ARID2: variants seen among roughly 807,000 people sequenced by gnomAD.
ARID2 encodes the protein AT-rich interactive domain-containing protein 2.
Under a neutral mutation model 184.6 loss-of-function variants are expected in ARID2, and 32 were observed. The observed-to-expected ratio is 0.17, with a 90% CI of 0.13 to 0.23. ARID2 has a LOEUF of 0.23. Among genes scored for constraint, ARID2 ranks in the 10% least tolerant of loss-of-function variants. The probability of loss-of-function intolerance (pLI) is 1.00; values close to 1 mark genes in which losing one functional copy is unlikely to be tolerated. For missense variants in ARID2, 1,696 were observed against 2,197.6 expected (o/e 0.77, Z 4.56); for synonymous variants, 836 against 772.6 (o/e 1.08, Z -1.36).
chr12:45,890,579 A>C (rs1944284523), intron 16 of ARID2, among the ~76,000 whole-genome samples: 1 of 152,244 alleles, frequency 6.6e-6, no homozygotes, highest in Non-Finnish European at 1.5e-5. Context: ...AAATTCTAAA[A>C]CAAAATGTAT....
At chr12:45,827,942 T>C (rs947813782) in intron 6 of ARID2, among the ~76,000 whole-genome samples, 1 of 152,128 alleles carries the variant, frequency 6.6e-6, no homozygotes, top group Admixed American at 6.5e-5. Context: ...TATTATTATA[T>C]GTATTAAAAC....
At chr12:45,796,085 C>G (rs1942387154) in intron 3 of ARID2, among the ~76,000 whole-genome samples, 1 of 152,072 alleles carries the variant, frequency 6.6e-6, no homozygotes, top group Non-Finnish European at 1.5e-5. Flanking sequence ...TTCTCTACCA[C>G]TTAAAAAATG....
intron 3 of ARID2, among the ~76,000 whole-genome samples, chr12:45,791,012 T>G (rs978361617): frequency 1.2e-4 from 19 of 152,222 alleles, no homozygotes; most frequent in African/African-American, 4.6e-4. Context: ...GTACAAATAA[T>G]CTTTTGAGTC....
chr12:45,829,802 T>TTCTTC (rs200075605), intron 6 of ARID2, among the ~76,000 whole-genome samples: 1 of 135,750 alleles, frequency 7.4e-6, no homozygotes, highest in Non-Finnish European at 1.6e-5. Flanking sequence ...TTTCTTCTTC[T>TTCTTC]TTTTTTTTTT....
chr12:45,757,648 A>G (rs965187253), intron 3 of ARID2, among the ~76,000 whole-genome samples: 1 of 152,240 alleles, frequency 6.6e-6, no homozygotes, highest in African/African-American at 2.4e-5. Flanking sequence ...GAGTAAAAAC[A>G]GTTAACATTC....
In ARID2 at chr12:45,906,915, C is replaced by T. The variant is rs1393230344; in HGVS notation, c.*1837C>T. The stretch of plus-strand genomic sequence containing the variant: ...AATCACAGTGTATCCAAATCTTCAG[C>T]TTGAATTTGGAGGCAGATTCTTAGA... On this transcript the variant is annotated 3_prime_UTR_variant, in exon 21 of 21. Coordinates refer to ENST00000334344, the MANE Select transcript of ARID2 (RefSeq NM_152641.4). 3.0e-5 allele frequency: 7 copies of T among 231,668 alleles called. No individual in the cohort carries two copies. Among genetic ancestry groups the T allele is most frequent in the East Asian group, 1.8e-4 (3 of 16,322 alleles). 14.4% of individuals were successfully genotyped at this position (231,668 alleles called of 1,614,324 possible).
intron 3 of ARID2, among the ~76,000 whole-genome samples, chr12:45,783,044 A>T (rs141408463): frequency 0.017 from 2,569 of 151,660 alleles, 30 homozygotes; most frequent in Middle Eastern, 0.044. Context: ...TGAGGCACGA[A>T]AATTGCTTGA....
chr12:45,780,328 C>T (rs1822137856), intron 3 of ARID2, among the ~76,000 whole-genome samples: 1 of 152,054 alleles, frequency 6.6e-6, no homozygotes, highest in South Asian at 2.1e-4. Flanking sequence ...GAATAAATGG[C>T]CTTATAGTTA....
chr12:45,849,544 T>A (rs1321289811), intron 13 of ARID2, 36 bp from the exon 14 acceptor site: 1 of 1,525,484 alleles, frequency 6.6e-7, no homozygotes, highest in Non-Finnish European at 9.0e-7. Context: ...AATGTGATAG[T>A]TATCAAAACT....
intron 16 of ARID2, among the ~76,000 whole-genome samples, chr12:45,870,614 C>T (rs1359867957): frequency 6.6e-6 from 1 of 152,110 alleles, no homozygotes; most frequent in African/African-American, 2.4e-5. Flanking sequence ...CCTCCTCACC[C>T]CCTCCCTCGC....
At chr12:45,885,454 AGTTT>A (rs893038588) in intron 16 of ARID2, among the ~76,000 whole-genome samples, 10 of 151,884 alleles carry the variant, frequency 6.6e-5, no homozygotes, top group East Asian at 1.9e-4. Flanking sequence ...AAGTCAGGTG[AGTTT>A]GTTTGTTTGT....
intron 6 of ARID2, among the ~76,000 whole-genome samples, chr12:45,824,068 T>A (rs1337042990): frequency 1.3e-5 from 2 of 151,808 alleles, no homozygotes; most frequent in Non-Finnish European, 2.9e-5. Context: ...CAACAACATA[T>A]CAAAAAGACA....
chr12:45,809,854 A>T (rs1010950801), intron 3 of ARID2, among the ~76,000 whole-genome samples: 1 of 152,186 alleles, frequency 6.6e-6, no homozygotes, highest in African/African-American at 2.4e-5. Flanking sequence ...ATGATTTTTC[A>T]TGTCATTAGT....
chr12:45,776,644 T>G (rs544303594), intron 3 of ARID2, among the ~76,000 whole-genome samples: 1 of 152,148 alleles, frequency 6.6e-6, no homozygotes, highest in Admixed American at 6.5e-5. Context: ...ATTCACATGC[T>G]TCTATAGAAA....
chr12:45,780,488 T>G (rs192116896), intron 3 of ARID2, among the ~76,000 whole-genome samples: 1 of 152,304 alleles, frequency 6.6e-6, no homozygotes, highest in Admixed American at 6.5e-5. Flanking sequence ...ATCTGATTTT[T>G]ATATGGTAAT....
rs1944510347 is a variant in ARID2, at chr12:45,905,344, C to G, written c.*266C>G. On this transcript the variant is annotated 3_prime_UTR_variant, in exon 21 of 21. Transcript: ENST00000334344. The stretch of plus-strand genomic sequence containing the variant: ...AGCTTATCTGCAGGATGTTTCAGAT[C>G]TGATAAATCCTGATGGAAACTGGTA... 3.1e-6 allele frequency: 1 copy of G among 318,498 alleles called. No homozygotes were observed. The allele number at this position is 318,498 out of a possible 1,614,324, so 19.7% of individuals were successfully genotyped here.
chr12:45,862,892 AT>A (rs5797953), intron 16 of ARID2, among the ~76,000 whole-genome samples: 16 of 149,960 alleles, frequency 1.1e-4, no homozygotes, highest in African/African-American at 3.7e-4. Flanking sequence ...AGAGCATGCC[AT>A]TTTTTTTTTA....
chr12:45,763,298 G>A (rs984077035), intron 3 of ARID2, among the ~76,000 whole-genome samples: 10 of 152,092 alleles, frequency 6.6e-5, no homozygotes, highest in South Asian at 2.1e-4. Context: ...GTGAAACCCC[G>A]TCTCTACTAA....
Position 45,851,340 on chromosome 12 carries a change from C to T in ARID2, c.3217C>T (p.Pro1073Ser), listed in dbSNP as rs748677570. Residue 1073 changes from proline (P) to serine (S), a missense_variant, in exon 15 of 21, where the codon CCA (proline) becomes TCA (serine). Physicochemically the swap from Pro to Ser is moderately conservative, Grantham distance 74. Around this residue, in one of 11 missense-constraint regions of ARID2, gnomAD observed 713 missense variants for 824.4 expected, o/e 0.86. Transcript: ENST00000334344. ...LLLPKRGPST[P>S]GGKLILPAPQ... ...GCTTCCGAAACGTGGTCCTTCAACA[C>T]CAGGTGGTAAGCTTATTCTCCCAGC... 1.3e-5 allele frequency: 21 copies of T among 1,614,002 alleles called. No individual in the cohort carries two copies. Among genetic ancestry groups the T allele is most frequent in the East Asian group, 2.2e-5 (1 of 44,894 alleles).
Sources: allele counts gnomAD v4.1 joint callset (sites outside exome capture counted in the v4.1 genomes callset), GRCh38; gene constraint gnomAD v4.1.1; regional missense constraint gnomAD v4.1.1; transcripts MANE v1.5; gene names NCBI Gene and HGNC (gene_info 2026-07-23, HGNC 2026-07-21).